C12orf42: variants seen among roughly 807,000 people sequenced by gnomAD.
The protein encoded by C12orf42 is chromosome 12 open reading frame 42, also known as uncharacterized protein C12orf42.
A neutral mutation model predicts 21.6 loss-of-function variants in C12orf42; 25 were observed. The observed-to-expected ratio is 1.16, with a 90% CI of 0.84 to 1.62. The LOEUF (loss-of-function observed/expected upper bound fraction) is 1.62, where lower values mean the gene tolerates loss of function less well. Ranked by LOEUF, C12orf42 falls within the 40% of genes most tolerant of loss-of-function variation. The pLI is 0.00. For missense variants in C12orf42, 483 were observed against 459.3 expected, an observed-to-expected ratio of 1.05 and a Z score of -0.47; for synonymous variants, 174 against 175.0, an observed-to-expected ratio of 0.99 and a Z score of 0.05.
downstream of C12orf42, among the ~76,000 whole-genome samples, chr12:103,236,875 C>T (rs906109813): frequency 1.3e-5 from 2 of 152,180 alleles, no homozygotes; most frequent in African/African-American, 4.8e-5. Context: ...ATCAATCTTT[C>T]GTTAAATCTA....
chr12:103,088,652 T>A, the C12orf42 span, among the ~76,000 whole-genome samples: 5 of 152,200 alleles, frequency 3.3e-5, no homozygotes, highest in African/African-American at 1.2e-4. Context: ...GACCTATGCA[T>A]TTAGTAAGAT....
At chr12:103,149,153 TAA>T in the C12orf42 span, among the ~76,000 whole-genome samples, 1 of 152,152 alleles carries the variant, frequency 6.6e-6, no homozygotes, top group South Asian at 2.1e-4. Context: ...AGACTGGGAT[TAA>T]ATTGCATCCT....
chr12:103,314,989 G>T (rs1187416746), intron 4 of C12orf42, among the ~76,000 whole-genome samples: 1 of 152,154 alleles, frequency 6.6e-6, no homozygotes, highest in African/African-American at 2.4e-5. Flanking sequence ...TGAAAGGGTA[G>T]TTAGGGAATC....
chr12:103,515,001 G>A, the C12orf42 span, among the ~76,000 whole-genome samples: 1,888 of 152,270 alleles, frequency 0.012, 42 homozygotes, highest in African/African-American at 0.043. Flanking sequence ...GGGAAGTGGG[G>A]AGAGTAACAC....
chr12:103,471,627 G>C (rs1159601000), intron 2 of C12orf42, among the ~76,000 whole-genome samples: 1 of 152,184 alleles, frequency 6.6e-6, no homozygotes, highest in African/African-American at 2.4e-5. Context: ...GCCAGGATTT[G>C]AACCCAGGGT....
the C12orf42 span, among the ~76,000 whole-genome samples, chr12:103,140,437 G>A: frequency 1.3e-5 from 2 of 152,122 alleles, no homozygotes; most frequent in Admixed American, 6.5e-5. Flanking sequence ...TTCCTTTGTT[G>A]TGGAGGAGTT....
At chr12:103,102,116 T>C in the C12orf42 span, among the ~76,000 whole-genome samples, 1 of 152,180 alleles carries the variant, frequency 6.6e-6, no homozygotes, top group Admixed American at 6.5e-5. Flanking sequence ...TTTCCACTTC[T>C]TGGTGGTAAG....
chr12:103,305,828 T>C (rs564050162), intron 5 of C12orf42, 146 bp downstream of exon 5: 6 of 1,008,140 alleles, frequency 6.0e-6, no homozygotes, highest in Admixed American at 2.4e-5. Context: ...CAGACTTTCA[T>C]TGAAGACTGG....
At chr12:103,526,052 G>T in the C12orf42 span, among the ~76,000 whole-genome samples, 1 of 152,084 alleles carries the variant, frequency 6.6e-6, no homozygotes, top group African/African-American at 2.4e-5. Flanking sequence ...AACAAAATCT[G>T]CCTTCAGAGG....
At chr12:103,198,305 T>C in the C12orf42 span, among the ~76,000 whole-genome samples, 2 of 152,152 alleles carry the variant, frequency 1.3e-5, no homozygotes, top group African/African-American at 4.8e-5. Flanking sequence ...GAAGGAGCTA[T>C]GACAGTGGCA....
intron 3 of C12orf42, among the ~76,000 whole-genome samples, chr12:103,374,469 A>C (rs1488184758): frequency 1.3e-5 from 2 of 152,098 alleles, no homozygotes; most frequent in African/African-American, 2.4e-5. Context: ...TTGGCTTTGA[A>C]TTACTTCTCT....
intron 4 of C12orf42, among the ~76,000 whole-genome samples, chr12:103,294,497 GAA>G: frequency 7.1e-6 from 1 of 140,800 alleles, no homozygotes; most frequent in South Asian, 2.3e-4. Context: ...AAGAAAGAAA[GAA>G]AGAAAGAAAA....
rs538723565 is a variant in C12orf42 at position 103,318,108 on chromosome 12, C to A, written c.260-11763G>T. Among the ~76,000 whole-genome samples, 4 of 152,094 alleles carry A rather than the reference C, an allele frequency of 2.6e-5. 1 individual carries two copies. Among genetic ancestry groups the A allele is most frequent in the African/African-American group, 9.6e-5 (4 of 41,502 alleles). On this transcript the variant is annotated intron_variant, in intron 4 of 5. Coordinates refer to ENST00000548883, the MANE Select transcript of C12orf42 (RefSeq NM_198521.5). ...CTTGAGGCCAGCCTGAGCAACATGG[C>A]AAAACCCAGTCTCTACAAAAATTAC...
the C12orf42 span, among the ~76,000 whole-genome samples, chr12:103,505,766 G>A: frequency 3.9e-5 from 6 of 152,220 alleles, no homozygotes; most frequent in Non-Finnish European, 8.8e-5. Context: ...AGCTGATCAC[G>A]TGATGGTGGG....
In C12orf42 at chr12:103,302,317, G is replaced by A. The variant is rs1238971546; in HGVS notation, c.874C>T (p.Pro292Ser). ...PEMLPKHPHT[P>S]RDRRPQADTS... ...TCCGCCTGAGGCCTCCTGTCCCGCG[G>A]GGTATGAGGATGCTTGGGGAGCATC... The change falls in exon 6 of 6, where the codon CCG becomes TCG. Residue 292 changes from proline (P) to serine (S), a missense_variant. By Grantham distance (74) the Pro-to-Ser change is moderately conservative (BLOSUM62 -1). Coordinates refer to ENST00000548883, the MANE Select transcript of C12orf42 (RefSeq NM_198521.5). 2 of 1,613,990 alleles carry A rather than the reference G, an allele frequency of 1.2e-6. No homozygotes were observed. Among genetic ancestry groups the A allele is most frequent in the African/African-American group, 1.3e-5 (1 of 75,060 alleles).
At chr12:103,485,126 C>A (rs1954746977) in intron 1 of C12orf42, among the ~76,000 whole-genome samples, 1 of 152,134 alleles carries the variant, frequency 6.6e-6, no homozygotes, top group African/African-American at 2.4e-5. Flanking sequence ...GCCTCGGCCT[C>A]CCAAAGTGCT....
intron 10 of C12orf42, among the ~76,000 whole-genome samples, chr12:103,238,670 TG>T (rs1351138273): frequency 6.6e-6 from 1 of 152,162 alleles, no homozygotes; most frequent in Non-Finnish European, 1.5e-5. Flanking sequence ...TGTCCATCCT[TG>T]GGAGAGATTA....
chr12:103,416,075 C>T (rs73187804), intron 2 of C12orf42, among the ~76,000 whole-genome samples: 5,879 of 149,804 alleles, frequency 0.039, 175 homozygotes, highest in Middle Eastern at 0.07. Flanking sequence ...AGTGTGTATA[C>T]GTGTATACAT....
chr12:103,252,796 T>C (rs1245934377), intron 10 of C12orf42, among the ~76,000 whole-genome samples: 1 of 152,202 alleles, frequency 6.6e-6, no homozygotes, highest in Non-Finnish European at 1.5e-5. Context: ...GTGCAGAAGC[T>C]CTTTAGTTTA....
Sources: allele counts gnomAD v4.1 joint callset (sites outside exome capture counted in the v4.1 genomes callset), GRCh38; gene constraint gnomAD v4.1.1; transcripts MANE v1.5; gene names NCBI Gene and HGNC (gene_info 2026-07-23, HGNC 2026-07-21).